Variants in NAA30 observed in about 807,000 individuals in gnomAD.
The protein encoded by NAA30 is N-alpha-acetyltransferase 30.
Under a neutral mutation model 31.4 loss-of-function variants are expected in NAA30, and 5 were observed. The ratio of observed to expected loss-of-function variants is 0.16; its 90% CI spans 0.08 to 0.33. The LOEUF is 0.33. Among genes scored for constraint, NAA30 ranks in the 10% least tolerant of loss-of-function variants. The pLI is 1.00. For missense variants in NAA30, 428 were observed against 490.8 expected (o/e 0.87, Z 1.21); for synonymous variants, 222 against 207.1 (o/e 1.07, Z -0.62).
chr14:57,392,540 A>G (rs1234239393), intron 2 of NAA30, among the ~76,000 whole-genome samples: 1 of 152,224 alleles, frequency 6.6e-6, no homozygotes, highest in African/African-American at 2.4e-5. Flanking sequence ...TTAAAAATTA[A>G]CATAGTATTG....
chr14:57,397,965 A>G (rs912306637), intron 3 of NAA30, among the ~76,000 whole-genome samples: 1 of 152,224 alleles, frequency 6.6e-6, no homozygotes, highest in African/African-American at 2.4e-5. Flanking sequence ...CTTTGTTCAC[A>G]GTGGAGAATT....
At chr14:57,407,359 G>T (rs921494538) in intron 4 of NAA30, among the ~76,000 whole-genome samples, 7 of 152,202 alleles carry the variant, frequency 4.6e-5, no homozygotes, top group Non-Finnish European at 8.8e-5. Flanking sequence ...GGTCCCTGCT[G>T]TTGTTGGGCT....
At chr14:57,408,995 C>T (rs1001789191) in intron 4 of NAA30, among the ~76,000 whole-genome samples, 1 of 152,152 alleles carries the variant, frequency 6.6e-6, no homozygotes, top group South Asian at 2.1e-4. Flanking sequence ...TGAATAGCTG[C>T]TTATAATAAT....
chr14:57,397,202 A>G (rs529930362), intron 3 of NAA30, among the ~76,000 whole-genome samples: 1 of 152,328 alleles, frequency 6.6e-6, no homozygotes, highest in East Asian at 1.9e-4. Flanking sequence ...TAATTACATT[A>G]TGATGGTCCT....
At position 57,409,519 on chromosome 14, in the gene NAA30, A is replaced by G; in HGVS notation, c.*3A>G. 6.3e-7 allele frequency: 1 copy of G among 1,595,466 alleles called. No individual in the cohort carries two copies. The highest frequency in any genetic ancestry group is 8.5e-7 in the Non-Finnish European group (1 of 1,174,020). ...GACTTAAACTGTGGCTGCGTTGAGA[A>G]ACTGACATCAAGGAACAACTATCAT... is the stretch of plus-strand genomic sequence containing the variant. On this transcript the variant is annotated 3_prime_UTR_variant, in exon 5 of 5. Transcript: ENST00000556492.
intron 4 of NAA30, 65 bp from the exon 5 acceptor site, chr14:57,409,309 ATTGTT>A: frequency 8.0e-7 from 1 of 1,245,518 alleles, no homozygotes; most frequent in Non-Finnish European, 1.1e-6. Context: ...TTTTTAAAAA[ATTGTT>A]TAGTTGGTAA....
At chr14:57,404,071 C>G (rs1594752620) in intron 4 of NAA30, among the ~76,000 whole-genome samples, 1 of 152,080 alleles carries the variant, frequency 6.6e-6, no homozygotes, top group South Asian at 2.1e-4. Context: ...CCTGTAATCC[C>G]AGCACTTTGG....
intron 2 of NAA30, among the ~76,000 whole-genome samples, chr14:57,393,621 C>G (rs1275489011): frequency 6.6e-6 from 1 of 152,066 alleles, no homozygotes; most frequent in African/African-American, 2.4e-5. Flanking sequence ...TAGAGATAAT[C>G]TAGCCCAACT....
Position 57,413,792 on chromosome 14 carries a change from C to G in NAA30, c.*4276C>G, listed in dbSNP as rs1039537499. The G allele has an allele frequency of 6.6e-6, 1 of 152,236 alleles. No individual in the cohort carries two copies. Among genetic ancestry groups the G allele is most frequent in the Non-Finnish European group, 1.5e-5 (1 of 68,070 alleles). 9.4% of individuals were successfully genotyped at this position (152,236 alleles called of 1,614,324 possible). The stretch of plus-strand genomic sequence containing the variant: ...TACAGGCGTGAGCCACCACGCCCAG[C>G]CTATGATATTCTTTTTATAAGCAAC... On this transcript the variant is annotated 3_prime_UTR_variant, in exon 5 of 5. Transcript: ENST00000556492.
chr14:57,393,810 G>T (rs1018447356), intron 2 of NAA30, among the ~76,000 whole-genome samples: 2 of 151,958 alleles, frequency 1.3e-5, no homozygotes. Flanking sequence ...ATTTACCGTC[G>T]GAAGGGTAAA....
intron 4 of NAA30, among the ~76,000 whole-genome samples, chr14:57,403,234 G>GAAAAAA (rs11406655): frequency 7.3e-6 from 1 of 136,492 alleles, no homozygotes; most frequent in Middle Eastern, 3.7e-3. Flanking sequence ...TCCGTGGCCG[G>GAAAAAA]AAAAAAAAAA....
chr14:57,412,983 T>C lies in NAA30; in HGVS notation c.*3467T>C, dbSNP rs1461256425. On this transcript the variant is annotated 3_prime_UTR_variant, in exon 5 of 5. Transcript: ENST00000556492. ...TAAAAGTACTCAGTCAACTCATATGTCAGTTATCGGTACATTTTCCATGTG... is the reference window on the plus strand; with the variant it reads ...TAAAAGTACTCAGTCAACTCATATGCCAGTTATCGGTACATTTTCCATGTG... 6.6e-6 allele frequency: 1 copy of C among 152,222 alleles called. No homozygotes were observed. Among genetic ancestry groups the C allele is most frequent in the Non-Finnish European group, 1.5e-5 (1 of 68,036 alleles). The allele number at this position is 152,222 out of a possible 1,614,324, so 9.4% of individuals were successfully genotyped here. A position where few individuals can be genotyped will look rare whatever the true frequency, so the allele number is the denominator to read the frequency against.
Position 57,390,642 on chromosome 14 carries a change from A to AAGG in NAA30, c.-61_-59dup, listed in dbSNP as rs1242808840. Reference sequence around the variant, plus strand: ...GGCTGTGGAGGCTGCCGCGGCTGCGAAGGAGGCGGCGGCGGTGGCGGAGGA... The same window carrying AAGG: ...GGCTGTGGAGGCTGCCGCGGCTGCGAAGGAGGAGGCGGCGGCGGTGGCGGAGGA... On this transcript the variant is annotated 5_prime_UTR_variant, in exon 1 of 5. Transcript: ENST00000556492. 1 of 355,628 alleles carries AAGG rather than the reference A, an allele frequency of 2.8e-6. No homozygotes were observed. Among genetic ancestry groups the AAGG allele is most frequent in the Non-Finnish European group, 5.0e-6 (1 of 199,206 alleles). 22.0% of individuals were successfully genotyped at this position (355,628 alleles called of 1,614,324 possible). A position where few individuals can be genotyped will look rare whatever the true frequency, so the allele number is the denominator to read the frequency against.
intron 4 of NAA30, among the ~76,000 whole-genome samples, chr14:57,407,628 A>G (rs2066503239): frequency 6.6e-6 from 1 of 152,218 alleles, no homozygotes; most frequent in Non-Finnish European, 1.5e-5. Context: ...ATGGAAAGCA[A>G]GAAGAGAGAG....
Position 57,405,421 on chromosome 14 carries a change from GTATA to G in NAA30, c.952-3945_952-3942del, listed in dbSNP as rs57769501. Among the ~76,000 whole-genome samples, 22 of 149,100 alleles carry G rather than the reference GTATA, an allele frequency of 1.5e-4. 2 individuals carry two copies. The highest frequency in any genetic ancestry group is 1.4e-3 in the Admixed American group (21 of 14,898). ...ATGTATTTACTAATAATATATATGT[GTATA>G]TATATATATATAAAACATCTTTAGT... On this transcript the variant is annotated intron_variant, in intron 4 of 4. Coordinates refer to ENST00000556492, the MANE Select transcript of NAA30 (RefSeq NM_001011713.3).
In NAA30 at chr14:57,391,815, G is replaced by C; in HGVS notation, c.771+87G>C. ...AGTGAGGGCCCAGAATGTGGCAGTG[G>C]ATATCTCCTGCTGCGTATCATAGTA... On this transcript the variant is annotated intron_variant, in intron 2 of 4. Coordinates refer to ENST00000556492, the MANE Select transcript of NAA30 (RefSeq NM_001011713.3). This position sits in a 1 kb window ranked among gnomAD's most constrained non-coding sequence, Gnocchi z 4.1. The C allele has an allele frequency of 1.0e-6, 1 of 979,296 alleles. No homozygotes were observed. Among genetic ancestry groups the C allele is most frequent in the Non-Finnish European group, 1.5e-6 (1 of 649,830 alleles). The allele number at this position is 979,296 out of a possible 1,614,324, so 60.7% of individuals were successfully genotyped here.
intron 4 of NAA30, among the ~76,000 whole-genome samples, chr14:57,401,069 C>A (rs1044907969): frequency 6.6e-6 from 1 of 152,106 alleles, no homozygotes; most frequent in Non-Finnish European, 1.5e-5. Flanking sequence ...AATGCTTTCT[C>A]TCATTTTTTA....
chr14:57,391,187 C>T lies in NAA30; in HGVS notation c.230C>T (p.Pro77Leu), dbSNP rs766995131. The T allele has an allele frequency of 2.5e-6, 4 of 1,610,730 alleles. No homozygotes were observed. The highest frequency in any genetic ancestry group is 1.7e-5 in the Admixed American group (1 of 59,934). Residue 77 changes from proline to leucine, a missense_variant, in exon 2 of 5, where the codon CCG becomes CTG. Around this residue, in one of 2 missense-constraint regions of NAA30, gnomAD observed 349 missense variants for 310.4 expected, o/e 1.12. Transcript: ENST00000556492. This position sits in a 1 kb window ranked among gnomAD's most constrained non-coding sequence, Gnocchi z 4.1. ...KGHPCLRCPQ[P>L]PQEQQQLNGL... ...CATCCGTGCCTCCGCTGCCCTCAGC[C>T]GCCGCAGGAGCAGCAGCAGCTCAAC...
Position 57,413,491 on chromosome 14 carries a change from G to A in NAA30, c.*3975G>A, listed in dbSNP as rs1265682141. 6.6e-6 allele frequency: 1 copy of A among 152,204 alleles called. No homozygotes were observed. The highest frequency in any genetic ancestry group is 1.9e-4 in the East Asian group (1 of 5,186). The allele number at this position is 152,204 out of a possible 1,614,324, so 9.4% of individuals were successfully genotyped here. On this transcript the variant is annotated 3_prime_UTR_variant, in exon 5 of 5. Coordinates refer to ENST00000556492, the MANE Select transcript of NAA30 (RefSeq NM_001011713.3). The stretch of plus-strand genomic sequence containing the variant: ...GATCAGTATTAACCTGTAGCCCAGA[G>A]GTGTTAGATTTATTTTTTGAGACAG...
Sources: gnomAD v4.1 joint callset for allele counts (sites outside exome capture counted in the v4.1 genomes callset) on GRCh38, gnomAD v4.1.1 for gene constraint, gnomAD v4.1.1 regional missense constraint, Gnocchi (gnomAD v3.1) non-coding constraint, MANE v1.5 for transcripts, NCBI Gene and HGNC (gene_info 2026-07-23, HGNC 2026-07-21) for gene names.